The following PPP2R1B variants were observed in gnomAD, a reference collection of about 807,000 sequenced individuals.
PPP2R1B encodes serine/threonine-protein phosphatase 2A 65 kDa regulatory subunit A beta isoform.
In PPP2R1B, 58 loss-of-function variants were observed where a neutral mutation model predicts 72.7. The ratio of observed to expected loss-of-function variants is 0.80; its 90% CI spans 0.65 to 0.99. The LOEUF is 0.99. Ranked by LOEUF, PPP2R1B falls within the 50% of genes least tolerant of loss-of-function variation. The pLI is 0.00. For missense variants in PPP2R1B, 695 were observed against 733.6 expected (o/e 0.95, Z 0.61); for synonymous variants, 256 against 264.6 (o/e 0.97, Z 0.32).
chr11:111,700,569 A>G, the PPP2R1B span, among the ~76,000 whole-genome samples: 1 of 152,226 alleles, frequency 6.6e-6, no homozygotes, highest in Non-Finnish European at 1.5e-5. Flanking sequence ...TTCTAAGATT[A>G]TCAAATACTA....
chr11:111,760,169 G>A (rs1244661012), intron 4 of PPP2R1B, among the ~76,000 whole-genome samples: 1 of 152,160 alleles, frequency 6.6e-6, no homozygotes, highest in Non-Finnish European at 1.5e-5. Context: ...AAAGCACTTT[G>A]GGAGGCCCAG....
the PPP2R1B span, chr11:111,712,416 G>A: frequency 1.0e-4 from 159 of 1,581,908 alleles, no homozygotes; most frequent in Middle Eastern, 2.7e-3. Context: ...GCAGTTTGGC[G>A]AGAGATTTCA....
rs1056420387 is a variant in PPP2R1B at position 111,754,837 on chromosome 11, G to A, written c.958+143C>T. ...AAATATAAAGAGACTATCTTTAAGT[G>A]ACAATGTAACATTTCCACACACTAA... On this transcript the variant is annotated intron_variant, in intron 7 of 14. Transcript: ENST00000527614. 2.2e-4 allele frequency: 192 copies of A among 858,908 alleles called. 1 individual carries two copies. The highest frequency in any genetic ancestry group is 3.0e-4 in the Non-Finnish European group (173 of 576,724). The allele number at this position is 858,908 out of a possible 1,614,324, so 53.2% of individuals were successfully genotyped here.
chr11:111,748,165 A>C, intron 10 of PPP2R1B, 151 bp from the exon 11 acceptor site: 1 of 662,728 alleles, frequency 1.5e-6, no homozygotes, highest in Non-Finnish European at 2.5e-6. Flanking sequence ...AATTACAAAC[A>C]AACCATAAAT....
intron 11 of PPP2R1B, among the ~76,000 whole-genome samples, chr11:111,744,524 G>C (rs1199094912): frequency 6.6e-6 from 1 of 152,122 alleles, no homozygotes; most frequent in Non-Finnish European, 1.5e-5. Context: ...ACAATTAGTT[G>C]CTATATACAG....
At chr11:111,727,260 G>T in intron 15 of PPP2R1B, 1 of 596,160 alleles carries the variant, frequency 1.7e-6, no homozygotes, top group Non-Finnish European at 3.0e-6. Flanking sequence ...CACCAGGGGA[G>T]TGGGGATGGG....
chr11:111,760,025 G>T (rs1278379278), intron 4 of PPP2R1B, 74 bp from the exon 5 acceptor site: 14 of 1,450,510 alleles, frequency 9.7e-6, no homozygotes, highest in Non-Finnish European at 1.1e-5. Flanking sequence ...CACACAGACA[G>T]ACTTTTAGAG....
At chr11:111,735,077 G>A (rs1398461757), downstream of PPP2R1B, among the ~76,000 whole-genome samples, 2 of 152,182 alleles carry the variant, frequency 1.3e-5, no homozygotes, top group Non-Finnish European at 2.9e-5. Context: ...AAGGCAGGCA[G>A]GAAAAAACCA....
At chr11:111,723,452 C>T, downstream of PPP2R1B, 4 of 1,539,230 alleles carry the variant, frequency 2.6e-6, no homozygotes, top group Non-Finnish European at 3.5e-6. Flanking sequence ...ATTGCCATCA[C>T]TTGAGAAGAT....
chr11:111,766,241 CCAGTACCTG>C lies in PPP2R1B; in HGVS notation c.112_114+6del. The C allele has an allele frequency of 6.2e-7, 1 of 1,613,756 alleles. No homozygotes were observed. The highest frequency in any genetic ancestry group is 8.5e-7 in the Non-Finnish European group (1 of 1,179,778). On this transcript the variant is annotated splice_donor_variant and splice_donor_5th_base_variant and coding_sequence_variant and intron_variant, in exon 1 of 15. Transcript: ENST00000527614. LOFTEE classifies it high-confidence loss of function. ...CTCGCCTCGGGTCCCCGGCCTCAGT[CCAGTACCTG>C]CACGTCTTCATTGCGGAGCTCGTCG...
chr11:111,756,242 A>G (rs1296508743), intron 5 of PPP2R1B, among the ~76,000 whole-genome samples: 5 of 150,534 alleles, frequency 3.3e-5, no homozygotes, highest in Non-Finnish European at 5.9e-5. Flanking sequence ...AAAAAGAAAG[A>G]GCTGCTCCCT....
At chr11:111,735,887 C>G (rs1944326028), downstream of PPP2R1B, among the ~76,000 whole-genome samples, 1 of 152,226 alleles carries the variant, frequency 6.6e-6, no homozygotes, top group Non-Finnish European at 1.5e-5. Context: ...TGGCTGCTGG[C>G]CCCTGACACA....
the PPP2R1B span, chr11:111,721,706 G>T: frequency 1.6e-6 from 1 of 628,306 alleles, no homozygotes; most frequent in South Asian, 2.3e-5. Flanking sequence ...TAAAAGCTTT[G>T]AGTATTAATA....
chr11:111,743,368 A>T lies in PPP2R1B; in HGVS notation c.1554+8T>A. 1 of 1,598,072 alleles carries T rather than the reference A, an allele frequency of 6.3e-7. No individual in the cohort carries two copies. ...TAAGCTTAGCAATAACAGTTATGTT[A>T]TACTTACATTAATGCAGAATAAAGT... On this transcript the variant is annotated splice_region_variant and intron_variant, in intron 12 of 14. Coordinates refer to ENST00000527614, the MANE Select transcript of PPP2R1B (RefSeq NM_002716.5).
At chr11:111,711,854 A>T in the PPP2R1B span, among the ~76,000 whole-genome samples, 3 of 152,190 alleles carry the variant, frequency 2.0e-5, no homozygotes, top group Admixed American at 6.5e-5. Context: ...TCTATTCTTT[A>T]TCTGTCTGGG....
At chr11:111,719,901 G>A in the PPP2R1B span, 1 of 1,614,168 alleles carries the variant, frequency 6.2e-7, no homozygotes, top group Non-Finnish European at 8.5e-7. Flanking sequence ...GGCCGAGGAA[G>A]ACCCCGCTCA....
chr11:111,743,806 G>C (rs1944607496), intron 11 of PPP2R1B, among the ~76,000 whole-genome samples: 1 of 152,196 alleles, frequency 6.6e-6, no homozygotes, highest in Non-Finnish European at 1.5e-5. Context: ...GAACACAGAA[G>C]ATACTTTCCC....
the PPP2R1B span, among the ~76,000 whole-genome samples, chr11:111,716,414 T>TA: frequency 0.25 from 37,932 of 151,660 alleles, 4,919 homozygotes; most frequent in Middle Eastern, 0.31. Flanking sequence ...CCAACTCTAC[T>TA]AAAAATACAA....
intron 10 of PPP2R1B, among the ~76,000 whole-genome samples, chr11:111,751,330 G>A (rs1402192317): frequency 6.6e-6 from 1 of 151,778 alleles, no homozygotes; most frequent in Non-Finnish European, 1.5e-5. Flanking sequence ...AAGTCACAAA[G>A]GCATTAAATA....
Sources: gnomAD v4.1 joint callset for allele counts (sites outside exome capture counted in the v4.1 genomes callset) on GRCh38, gnomAD v4.1.1 for gene constraint, MANE v1.5 for transcripts, NCBI Gene and HGNC (gene_info 2026-07-23, HGNC 2026-07-21) for gene names.